The following DLG2 variants were observed in gnomAD, a reference collection of about 807,000 sequenced individuals.
DLG2 encodes discs large MAGUK scaffold protein 2.
DLG2 carries 45 observed loss-of-function variants against 132.5 expected under a neutral mutation model. The observed-to-expected ratio is 0.34, with a 90% CI of 0.27 to 0.44. The LOEUF is 0.44. DLG2 is among the 20% of genes least tolerant of loss of function. The pLI is 1.00. For missense variants in DLG2, 1,045 were observed against 1,196.9 expected (o/e 0.87, Z 1.87); for synonymous variants, 424 against 419.6 (o/e 1.01, Z -0.13).
chr11:84,763,833 G>C (rs2068007399), intron 6 of DLG2, among the ~76,000 whole-genome samples: 1 of 152,062 alleles, frequency 6.6e-6, no homozygotes, highest in South Asian at 2.1e-4. Context: ...CACATATATT[G>C]TGTGAGATAT....
intron 6 of DLG2, among the ~76,000 whole-genome samples, chr11:84,589,884 A>C (rs1211687168): frequency 1.3e-5 from 2 of 152,204 alleles, no homozygotes; most frequent in Non-Finnish European, 2.9e-5. Flanking sequence ...CATTTCTTAC[A>C]ATACATTTCC....
At chr11:84,247,843 C>T (rs775848868) in intron 8 of DLG2, among the ~76,000 whole-genome samples, 1 of 152,138 alleles carries the variant, frequency 6.6e-6, no homozygotes, top group Non-Finnish European at 1.5e-5. Context: ...TATCAAAAAT[C>T]AAATTTGCTA....
chr11:84,345,906 A>T (rs1348011252), intron 7 of DLG2, among the ~76,000 whole-genome samples: 1 of 152,220 alleles, frequency 6.6e-6, no homozygotes, highest in Non-Finnish European at 1.5e-5. Flanking sequence ...ACAAAGCCAA[A>T]AATATTTACA....
intron 6 of DLG2, among the ~76,000 whole-genome samples, chr11:85,038,998 A>C (rs1237853484): frequency 6.6e-6 from 1 of 152,034 alleles, no homozygotes. Flanking sequence ...AAAAATAAGA[A>C]TAGGTATATA....
At chr11:84,024,598 T>C (rs2095488837) in intron 11 of DLG2, among the ~76,000 whole-genome samples, 1 of 152,130 alleles carries the variant, frequency 6.6e-6, no homozygotes, top group Non-Finnish European at 1.5e-5. Context: ...AATTGTGTCA[T>C]TCATGACAAC....
chr11:85,255,136 A>T (rs2076603970), intron 4 of DLG2, among the ~76,000 whole-genome samples: 1 of 152,202 alleles, frequency 6.6e-6, no homozygotes, highest in Non-Finnish European at 1.5e-5. Context: ...CACTCTAATC[A>T]TTTAACATCT....
chr11:85,061,288 T>A (rs1429697335), intron 6 of DLG2, among the ~76,000 whole-genome samples: 1 of 151,408 alleles, frequency 6.6e-6, no homozygotes, highest in Non-Finnish European at 1.5e-5. Flanking sequence ...TAATTGAAAT[T>A]TCTATCTGAG....
intron 11 of DLG2, among the ~76,000 whole-genome samples, chr11:84,049,763 T>C (rs888214597): frequency 1.3e-5 from 2 of 151,884 alleles, no homozygotes; most frequent in East Asian, 1.9e-4. Flanking sequence ...CTTGGCCTGA[T>C]AATAAAAGAA....
intron 6 of DLG2, among the ~76,000 whole-genome samples, chr11:84,649,789 T>C (rs1305503942): frequency 2.0e-5 from 3 of 152,160 alleles, no homozygotes; most frequent in Non-Finnish European, 4.4e-5. Flanking sequence ...AAGGCATGCT[T>C]TATGCCTGCA....
intron 3 of DLG2, among the ~76,000 whole-genome samples, chr11:85,407,520 T>C (rs539154526): frequency 8.6e-5 from 13 of 152,018 alleles, no homozygotes; most frequent in African/African-American, 2.9e-4. Context: ...TGTTCTATCA[T>C]ATCTAATATT....
intron 5 of DLG2, among the ~76,000 whole-genome samples, chr11:85,144,600 T>C (rs1383006865): frequency 1.3e-5 from 2 of 151,830 alleles, no homozygotes; most frequent in Non-Finnish European, 2.9e-5. Flanking sequence ...GGTTTTTTGA[T>C]CCGAGGTTAC....
intron 6 of DLG2, among the ~76,000 whole-genome samples, chr11:84,852,007 G>A (rs2082220827): frequency 6.6e-6 from 1 of 151,876 alleles, no homozygotes; most frequent in Admixed American, 6.6e-5. Flanking sequence ...ATTTAAGCTT[G>A]GGATACTTTT....
intron 6 of DLG2, among the ~76,000 whole-genome samples, chr11:84,760,348 T>C (rs548222443): frequency 9.8e-4 from 150 of 152,342 alleles, no homozygotes; most frequent in African/African-American, 3.3e-3. Flanking sequence ...CTGTCTGCCC[T>C]TTCAGAGATC....
chr11:85,274,313 T>C (rs1320451630), intron 4 of DLG2, among the ~76,000 whole-genome samples: 1 of 152,154 alleles, frequency 6.6e-6, no homozygotes, highest in African/African-American at 2.4e-5. Context: ...ATTGTTATCA[T>C]AGTATTGCAA....
intron 6 of DLG2, among the ~76,000 whole-genome samples, chr11:85,057,657 G>T (rs1485029125): frequency 6.6e-6 from 1 of 151,392 alleles, no homozygotes; most frequent in East Asian, 1.9e-4. Flanking sequence ...TTTCTTTTAA[G>T]GCCAGCGTAT....
In DLG2 at chr11:83,627,406, T is replaced by C. The variant is rs181404240; in HGVS notation, c.1940+5805A>G. On this transcript the variant is annotated intron_variant, in intron 19 of 27. Transcript: ENST00000376104. ...AGTCTCTGGTGTGTGATGTTCCCCT[T>C]CCTGTGTCCATGTGTTCTCATTGTT... is the stretch of plus-strand genomic sequence containing the variant. Among the ~76,000 whole-genome samples, 4 of 152,024 alleles carry C rather than the reference T, an allele frequency of 2.6e-5. 1 individual carries two copies. The highest frequency in any genetic ancestry group is 2.6e-4 in the Admixed American group (4 of 15,270).
chr11:85,153,423 T>G (rs1273239628), intron 5 of DLG2, among the ~76,000 whole-genome samples: 1 of 152,186 alleles, frequency 6.6e-6, no homozygotes, highest in African/African-American at 2.4e-5. Context: ...AACTCTCAAT[T>G]TACTTAGTCA....
At chr11:84,119,127 T>C (rs1424828572) in intron 9 of DLG2, among the ~76,000 whole-genome samples, 1 of 151,466 alleles carries the variant, frequency 6.6e-6, no homozygotes, top group Non-Finnish European at 1.5e-5. Flanking sequence ...ATCTACCATA[T>C]GGCAAAAGTG....
Position 84,276,446 on chromosome 11 carries a change from GT to G in DLG2, c.520-25156del, listed in dbSNP as rs144949153. ...ATTTAACTTAGTTCAATTTGACTCA[GT>G]TTAACAAACATTTATTGAGCTCTAC... On this transcript the variant is annotated intron_variant, in intron 7 of 27. Coordinates refer to ENST00000376104, the MANE Select transcript of DLG2 (RefSeq NM_001142699.3). 2.5e-3 allele frequency among the ~76,000 whole-genome samples: 383 copies of G among 152,226 alleles called. 1 individual carries two copies. The highest frequency in any genetic ancestry group is 8.8e-3 in the African/African-American group (365 of 41,546).
Sources: gnomAD v4.1 joint callset for allele counts (sites outside exome capture counted in the v4.1 genomes callset) on GRCh38, gnomAD v4.1.1 for gene constraint, MANE v1.5 for transcripts, NCBI Gene and HGNC (gene_info 2026-07-23, HGNC 2026-07-21) for gene names.